Variants in EIF3H observed in about 807,000 individuals in gnomAD.
EIF3H encodes eukaryotic translation initiation factor 3 subunit H.
In EIF3H, 26 loss-of-function variants were observed where a neutral mutation model predicts 44.2. That is an observed-to-expected ratio of 0.59 (90% CI 0.43 to 0.82). The LOEUF is 0.82. Among genes scored for constraint, EIF3H ranks in the 40% least tolerant of loss-of-function variants. The pLI, the probability that EIF3H is intolerant of heterozygous loss-of-function variation, is 0.00. For missense variants in EIF3H, 359 were observed against 432.8 expected, an observed-to-expected ratio of 0.83 and a Z score of 1.51; for synonymous variants, 166 against 151.9, an observed-to-expected ratio of 1.09 and a Z score of -0.68.
chr8:116,691,262 G>C (rs1040968180), intron 2 of EIF3H, among the ~76,000 whole-genome samples: 6 of 152,288 alleles, frequency 3.9e-5, no homozygotes, highest in African/African-American at 1.4e-4. Context: ...AAGAAATGTT[G>C]CCAGCAGTAC....
chr8:116,706,232 T>C (rs901867823), intron 2 of EIF3H, among the ~76,000 whole-genome samples: 1 of 152,352 alleles, frequency 6.6e-6, no homozygotes, highest in East Asian at 1.9e-4. Context: ...AAACCTAAAC[T>C]TCTGTAAGCT....
At chr8:116,743,928 C>A (rs1175304885) in intron 1 of EIF3H, among the ~76,000 whole-genome samples, 3 of 151,042 alleles carry the variant, frequency 2.0e-5, no homozygotes, top group Non-Finnish European at 4.4e-5. Context: ...TACAGCTGTC[C>A]ATTGAGAAGA....
At chr8:116,649,621 T>C (rs1813358017) in intron 5 of EIF3H, among the ~76,000 whole-genome samples, 1 of 152,212 alleles carries the variant, frequency 6.6e-6, no homozygotes, top group Non-Finnish European at 1.5e-5. Flanking sequence ...TACATATATA[T>C]ATTTTTAAAA....
In EIF3H at chr8:116,654,757, T is replaced by C. The variant is rs544534163; in HGVS notation, c.707+1099A>G. On this transcript the variant is annotated intron_variant, in intron 5 of 7. Transcript: ENST00000521861. ...ATCTCCCTGCCCCGTTAAGACTTTC[T>C]AGTGGCCTTTGTGATCAATTAACGC... Among the ~76,000 whole-genome samples the C allele has an allele frequency of 3.3e-5, 5 of 152,310 alleles. No individual in the cohort carries two copies. The South Asian group carries it at 6.2e-4, about 19-fold the overall frequency.
chr8:116,680,400 GA>G (rs1157648640), intron 2 of EIF3H, among the ~76,000 whole-genome samples: 2 of 68,422 alleles, frequency 2.9e-5, no homozygotes, highest in South Asian at 1.1e-3. Context: ...GAAGAGTGGG[GA>G]AAAAATTGAG....
At chr8:116,685,798 TA>T (rs1814066272) in intron 2 of EIF3H, among the ~76,000 whole-genome samples, 1 of 152,212 alleles carries the variant, frequency 6.6e-6, no homozygotes, top group Non-Finnish European at 1.5e-5. Flanking sequence ...TACTTCAGTA[TA>T]AATTGCCTTA....
intron 2 of EIF3H, among the ~76,000 whole-genome samples, chr8:116,681,437 C>T (rs892923462): frequency 2.6e-5 from 4 of 151,784 alleles, no homozygotes; most frequent in African/African-American, 7.3e-5. Context: ...GAGGTCGAGG[C>T]GGGCGGATCA....
At chr8:116,734,452 G>A (rs995009599) in intron 1 of EIF3H, 6 of 448,988 alleles carry the variant, frequency 1.3e-5, no homozygotes, top group African/African-American at 1.2e-4. Flanking sequence ...GTATTTTAGG[G>A]GAAGAAAAAG....
At chr8:116,680,621 G>GA (rs1161999845) in intron 2 of EIF3H, among the ~76,000 whole-genome samples, 1 of 120,934 alleles carries the variant, frequency 8.3e-6, no homozygotes, top group East Asian at 2.2e-4. Context: ...ACAGATGCTT[G>GA]AAGGCAGCAT....
intron 1 of EIF3H, among the ~76,000 whole-genome samples, chr8:116,749,851 T>G (rs567036028): frequency 6.6e-6 from 1 of 152,362 alleles, no homozygotes; most frequent in East Asian, 1.9e-4. Flanking sequence ...AAACAAGCCC[T>G]GTGGAGGGAC....
intron 2 of EIF3H, among the ~76,000 whole-genome samples, chr8:116,673,765 A>C (rs1308960371): frequency 1.3e-5 from 2 of 152,148 alleles, no homozygotes; most frequent in Non-Finnish European, 2.9e-5. Context: ...TTTTTCATTC[A>C]GCACACTGTA....
chr8:116,716,557 T>C lies in EIF3H; in HGVS notation c.289+9459A>G, dbSNP rs921731066. 2.0e-5 allele frequency among the ~76,000 whole-genome samples: 3 copies of C among 152,130 alleles called. No individual in the cohort carries two copies. In the East Asian group the frequency reaches 5.8e-4, roughly 29 times the overall value. ...TATCAATTTATGATGAAAGAGAGGATTTACTGCCTTATTCTTTAACTTTAC... is the reference window on the plus strand; with the variant it reads ...TATCAATTTATGATGAAAGAGAGGACTTACTGCCTTATTCTTTAACTTTAC... On this transcript the variant is annotated intron_variant, in intron 2 of 7. Coordinates refer to ENST00000521861, the MANE Select transcript of EIF3H (RefSeq NM_003756.3).
chr8:116,729,773 G>C (rs1464701977), intron 1 of EIF3H, among the ~76,000 whole-genome samples: 2 of 152,116 alleles, frequency 1.3e-5, no homozygotes, highest in African/African-American at 4.8e-5. Flanking sequence ...CTAGGCAAGG[G>C]ACACTCAAAA....
intron 2 of EIF3H, among the ~76,000 whole-genome samples, chr8:116,692,311 C>A (rs1194257518): frequency 6.6e-6 from 1 of 152,092 alleles, no homozygotes; most frequent in East Asian, 1.9e-4. Flanking sequence ...TTTATAAAGA[C>A]CTTCCCAAGA....
chr8:116,680,648 C>T (rs1813967449), intron 2 of EIF3H, among the ~76,000 whole-genome samples: 1 of 126,380 alleles, frequency 7.9e-6, no homozygotes, highest in Non-Finnish European at 1.6e-5. Flanking sequence ...TAAGAGTCAT[C>T]ACCACTCCCT....
chr8:116,722,318 C>CA (rs1394525469), intron 2 of EIF3H, among the ~76,000 whole-genome samples: 1 of 152,186 alleles, frequency 6.6e-6, no homozygotes, highest in Non-Finnish European at 1.5e-5. Context: ...CCTTCCCAGC[C>CA]ATGTGGAACT....
chr8:116,715,503 C>T (rs1187037929), intron 2 of EIF3H, among the ~76,000 whole-genome samples: 1 of 152,018 alleles, frequency 6.6e-6, no homozygotes, highest in Non-Finnish European at 1.5e-5. Context: ...CTTCATGCTT[C>T]GTTTTGAAAT....
intron 2 of EIF3H, among the ~76,000 whole-genome samples, chr8:116,713,721 T>C (rs984891721): frequency 2.0e-5 from 3 of 152,128 alleles, no homozygotes; most frequent in Non-Finnish European, 4.4e-5. Context: ...ACCAGGCTTT[T>C]CTGAGTTATC....
rs1586498639 is a variant in EIF3H, at chr8:116,755,596, G to A, written c.132+70C>T. On this transcript the variant is annotated intron_variant, in intron 1 of 7. Transcript: ENST00000521861. Reference sequence around the variant, plus strand: ...AGCCCAAGGGGGAGAATGCTAGAAAGTACGTCTGGTGGGACGGGGCTGGGA... The same window carrying A: ...AGCCCAAGGGGGAGAATGCTAGAAAATACGTCTGGTGGGACGGGGCTGGGA... 3.8e-6 allele frequency: 6 copies of A among 1,599,008 alleles called. No individual in the cohort carries two copies. In the East Asian group the frequency reaches 6.7e-5, roughly 18 times the overall value.
Sources: gnomAD v4.1 joint callset for allele counts (sites outside exome capture counted in the v4.1 genomes callset) on GRCh38, gnomAD v4.1.1 for gene constraint, MANE v1.5 for transcripts, NCBI Gene and HGNC (gene_info 2026-07-23, HGNC 2026-07-21) for gene names.